Variants in NKAIN2 observed in about 807,000 individuals in gnomAD.
NKAIN2 encodes sodium/potassium transporting ATPase interacting 2.
Under a neutral mutation model 32.6 loss-of-function variants are expected in NKAIN2, and 14 were observed. The ratio of observed to expected loss-of-function variants is 0.43; its 90% CI spans 0.28 to 0.67. The LOEUF (loss-of-function observed/expected upper bound fraction) is 0.67. NKAIN2 is among the 30% of genes least tolerant of loss of function. The pLI is 0.17. For synonymous variants in NKAIN2, 80 were observed against 87.2 expected (o/e 0.92, Z 0.46); for missense variants, 198 against 258.3 (o/e 0.77, Z 1.60).
At position 124,750,495 on chromosome 6, in the gene NKAIN2, AGATGGATGGATG is replaced by A. The variant is rs56937918; in HGVS notation, c.475-40804_475-40793del. On this transcript the variant is annotated intron_variant, in intron 4 of 6. Transcript: ENST00000368417. ...TAGTCATTCAAAAGTCTGGAGGAAGAGATGGATGGATGGATGGATGGATGGATGGATGGATGG... is the reference window on the plus strand; with the variant it reads ...TAGTCATTCAAAAGTCTGGAGGAAGAGATGGATGGATGGATGGATGGATGG... 2.1e-3 allele frequency among the ~76,000 whole-genome samples: 319 copies of A among 149,646 alleles called. 4 individuals carry two copies. The highest frequency in any genetic ancestry group is 6.9e-3 in the African/African-American group (280 of 40,632).
At chr6:124,038,175 A>G (rs1781690903) in intron 1 of NKAIN2, among the ~76,000 whole-genome samples, 1 of 152,076 alleles carries the variant, frequency 6.6e-6, no homozygotes, top group African/African-American at 2.4e-5. Flanking sequence ...AATTCACACT[A>G]ATTTAGAGGA....
At chr6:124,401,415 G>C (rs1006993926) in intron 3 of NKAIN2, among the ~76,000 whole-genome samples, 2 of 152,116 alleles carry the variant, frequency 1.3e-5, no homozygotes, top group Non-Finnish European at 2.9e-5. Context: ...GATTGTTTTG[G>C]AACACAGCTG....
At chr6:124,595,095 G>C (rs1782036577) in intron 3 of NKAIN2, among the ~76,000 whole-genome samples, 1 of 152,192 alleles carries the variant, frequency 6.6e-6, no homozygotes, top group African/African-American at 2.4e-5. Context: ...CTAGGTCTAT[G>C]TAAGAAGGTG....
intron 1 of NKAIN2, among the ~76,000 whole-genome samples, chr6:124,115,460 T>G (rs1785565043): frequency 6.6e-6 from 1 of 152,078 alleles, no homozygotes; most frequent in Non-Finnish European, 1.5e-5. Context: ...ATGACTATAG[T>G]GTTATCAGAC....
intron 4 of NKAIN2, among the ~76,000 whole-genome samples, chr6:124,762,281 T>C (rs1214508280): frequency 6.6e-6 from 1 of 152,130 alleles, no homozygotes; most frequent in African/African-American, 2.4e-5. Flanking sequence ...CCCTGGTGTC[T>C]TTTTGTTCAT....
intron 1 of NKAIN2, among the ~76,000 whole-genome samples, chr6:124,134,869 A>G (rs1786656439): frequency 6.6e-6 from 1 of 152,146 alleles, no homozygotes; most frequent in Non-Finnish European, 1.5e-5. Context: ...AAGATGAAGG[A>G]AAAAAATCTT....
At chr6:124,260,339 A>G (rs1237439336) in intron 1 of NKAIN2, among the ~76,000 whole-genome samples, 6 of 152,168 alleles carry the variant, frequency 3.9e-5, no homozygotes, top group Non-Finnish European at 7.4e-5. Flanking sequence ...CAAACGAGAA[A>G]TAATAAAACA....
At chr6:124,212,959 T>C (rs1791266632) in intron 1 of NKAIN2, among the ~76,000 whole-genome samples, 1 of 152,120 alleles carries the variant, frequency 6.6e-6, no homozygotes, top group Non-Finnish European at 1.5e-5. Flanking sequence ...TGATGTAAAT[T>C]GGACTATTGA....
At chr6:123,984,053 A>G (rs1265733761) in intron 1 of NKAIN2, among the ~76,000 whole-genome samples, 2 of 152,028 alleles carry the variant, frequency 1.3e-5, no homozygotes, top group Non-Finnish European at 2.9e-5. Context: ...GGTTACAGGC[A>G]TGTGCCACCA....
intron 1 of NKAIN2, among the ~76,000 whole-genome samples, chr6:124,120,209 C>A (rs773727597): frequency 3.3e-5 from 5 of 152,020 alleles, no homozygotes; most frequent in Non-Finnish European, 5.9e-5. Context: ...TATTTTAATG[C>A]CCTATATGTC....
chr6:124,103,423 A>G (rs1052700731), intron 1 of NKAIN2, among the ~76,000 whole-genome samples: 32 of 152,180 alleles, frequency 2.1e-4, no homozygotes, highest in Admixed American at 1.6e-3. Flanking sequence ...GAAAAACTAC[A>G]TCTGCATCTT....
At chr6:124,411,597 C>T (rs965680677) in intron 3 of NKAIN2, among the ~76,000 whole-genome samples, 2 of 152,256 alleles carry the variant, frequency 1.3e-5, no homozygotes, top group African/African-American at 4.8e-5. Context: ...TGACCTTTCT[C>T]TCTGGCTGCC....
chr6:124,551,983 A>G (rs894882521), intron 3 of NKAIN2, among the ~76,000 whole-genome samples: 1 of 152,190 alleles, frequency 6.6e-6, no homozygotes, highest in African/African-American at 2.4e-5. Flanking sequence ...TTTCCAGTTG[A>G]TAATCGTTAG....
intron 4 of NKAIN2, among the ~76,000 whole-genome samples, chr6:124,680,414 T>C (rs908056238): frequency 4.6e-5 from 7 of 152,116 alleles, no homozygotes; most frequent in African/African-American, 1.7e-4. Context: ...TCAAAGCTGG[T>C]TGAGAGCCTT....
In NKAIN2 at chr6:123,913,256, C is replaced by A. The variant is rs569215222; in HGVS notation, c.54+109002C>A. 5.3e-5 allele frequency among the ~76,000 whole-genome samples: 8 copies of A among 152,066 alleles called. No individual in the cohort carries two copies. The South Asian group carries it at 6.2e-4, about 12-fold the overall frequency. On this transcript the variant is annotated intron_variant, in intron 1 of 6. Transcript: ENST00000368417. ...GATTAAAATAAAAAAAGTGATAAAA[C>A]ATGAAAACAAATAGGGCCTAAAATC...
At chr6:124,123,277 T>C (rs889199373) in intron 1 of NKAIN2, among the ~76,000 whole-genome samples, 5 of 151,924 alleles carry the variant, frequency 3.3e-5, no homozygotes, top group Non-Finnish European at 7.4e-5. Context: ...TCTAATAGGC[T>C]CCTGAAAGGA....
chr6:124,460,675 T>C (rs1454527541), intron 3 of NKAIN2, among the ~76,000 whole-genome samples: 1 of 151,778 alleles, frequency 6.6e-6, no homozygotes, highest in Non-Finnish European at 1.5e-5. Context: ...TTTTATGTTC[T>C]AAAATTTCAC....
chr6:124,555,665 A>G (rs903952136), intron 3 of NKAIN2, among the ~76,000 whole-genome samples: 1 of 152,194 alleles, frequency 6.6e-6, no homozygotes, highest in African/African-American at 2.4e-5. Flanking sequence ...AGTTTTTCAA[A>G]GGCAAATGGA....
intron 1 of NKAIN2, among the ~76,000 whole-genome samples, chr6:123,987,782 CT>C (rs756623460): frequency 6.6e-6 from 1 of 152,166 alleles, no homozygotes; most frequent in Non-Finnish European, 1.5e-5. Context: ...CACTCTCCCC[CT>C]CCCCCTTCTT....
Sources: allele counts gnomAD v4.1 joint callset (sites outside exome capture counted in the v4.1 genomes callset), GRCh38; gene constraint gnomAD v4.1.1; transcripts MANE v1.5; gene names NCBI Gene and HGNC (gene_info 2026-07-23, HGNC 2026-07-21).